SYNPR: variants seen among roughly 807,000 people sequenced by gnomAD.
SYNPR encodes synaptoporin.
A neutral mutation model predicts 32.9 loss-of-function variants in SYNPR; 23 were observed. The observed-to-expected ratio is 0.70, with a 90% CI of 0.50 to 0.99. The LOEUF (loss-of-function observed/expected upper bound fraction) is 0.99. SYNPR is among the 50% of genes least tolerant of loss of function. The pLI, the probability that SYNPR is intolerant of heterozygous loss-of-function variation, is 0.00. For missense variants in SYNPR, 318 were observed against 349.3 expected, an observed-to-expected ratio of 0.91 and a Z score of 0.71; for synonymous variants, 146 against 135.9, an observed-to-expected ratio of 1.07 and a Z score of -0.52.
intron 4 of SYNPR, among the ~76,000 whole-genome samples, chr3:63,602,539 G>A (rs568613803): frequency 1.3e-5 from 2 of 152,208 alleles, no homozygotes; most frequent in South Asian, 4.2e-4. Context: ...GTAAGAAAAG[G>A]GTCCAGTTTT....
intron 2 of SYNPR, among the ~76,000 whole-genome samples, chr3:63,259,612 A>G (rs1048456172): frequency 2.6e-5 from 4 of 152,332 alleles, no homozygotes; most frequent in East Asian, 1.9e-4. Flanking sequence ...CCCACAGCCA[A>G]TGTCATACTG....
intron 3 of SYNPR, among the ~76,000 whole-genome samples, chr3:63,551,920 G>T (rs114749147): frequency 6.9e-6 from 1 of 145,356 alleles, no homozygotes; most frequent in African/African-American, 2.5e-5. Flanking sequence ...TATTTGAGAC[G>T]GAGCTTGGCT....
At chr3:63,317,192 T>A (rs541709779) in intron 2 of SYNPR, among the ~76,000 whole-genome samples, 75 of 152,134 alleles carry the variant, frequency 4.9e-4, no homozygotes, top group African/African-American at 1.8e-3. Context: ...CACTGTTGAA[T>A]AGAATGTGTA....
intron 3 of SYNPR, among the ~76,000 whole-genome samples, chr3:63,531,690 C>A (rs1702115081): frequency 6.6e-6 from 1 of 152,188 alleles, no homozygotes; most frequent in Admixed American, 6.5e-5. Flanking sequence ...GTAATCATCT[C>A]TGCCCTATCA....
chr3:63,515,811 T>C (rs974644372), intron 3 of SYNPR, among the ~76,000 whole-genome samples: 11 of 152,168 alleles, frequency 7.2e-5, no homozygotes, highest in African/African-American at 2.2e-4. Flanking sequence ...GTATATATAC[T>C]ATAGTCATAT....
chr3:63,279,825 C>T (rs2086611692), intron 2 of SYNPR, among the ~76,000 whole-genome samples: 1 of 152,106 alleles, frequency 6.6e-6, no homozygotes, highest in South Asian at 2.1e-4. Context: ...TTACATTTAC[C>T]TTGTTTGTAG....
intron 2 of SYNPR, among the ~76,000 whole-genome samples, chr3:63,314,407 C>T (rs919467007): frequency 6.6e-6 from 1 of 151,692 alleles, no homozygotes; most frequent in African/African-American, 2.4e-5. Context: ...TGATTATGGC[C>T]ATTCTTGCAT....
chr3:63,342,009 T>C (rs894147564), intron 2 of SYNPR, among the ~76,000 whole-genome samples: 1 of 152,242 alleles, frequency 6.6e-6, no homozygotes, highest in Non-Finnish European at 1.5e-5. Flanking sequence ...CGTTTAGATG[T>C]ATGATCCATT....
intron 1 of SYNPR, among the ~76,000 whole-genome samples, chr3:63,237,269 G>T (rs527872217): frequency 1.3e-5 from 2 of 151,632 alleles, no homozygotes; most frequent in South Asian, 4.2e-4. Flanking sequence ...CATTCAAATT[G>T]AGTGAAATTC....
At chr3:63,203,670 A>G in the SYNPR span, among the ~76,000 whole-genome samples, 1 of 152,150 alleles carries the variant, frequency 6.6e-6, no homozygotes, top group Non-Finnish European at 1.5e-5. Context: ...ATCCTCTCAC[A>G]TGCTACCTAG....
the SYNPR span, among the ~76,000 whole-genome samples, chr3:63,211,410 A>T: frequency 7.2e-5 from 11 of 152,228 alleles, no homozygotes; most frequent in African/African-American, 2.7e-4. Flanking sequence ...CTTTAGAATG[A>T]TGCCATGGCA....
At chr3:63,204,330 T>C in the SYNPR span, among the ~76,000 whole-genome samples, 1 of 152,204 alleles carries the variant, frequency 6.6e-6, no homozygotes, top group Non-Finnish European at 1.5e-5. Context: ...CATTCCTTGC[T>C]TGTGGAAGCA....
In SYNPR at chr3:63,481,054, G is replaced by T. The variant is rs76563155; in HGVS notation, c.209+98G>T. 6.6e-4 allele frequency: 973 copies of T among 1,478,622 alleles called. 7 individuals carry two copies. The East Asian group carries it at 0.013, about 19-fold the overall frequency. The allele number at this position is 1,478,622 out of a possible 1,614,324, so 91.6% of individuals were successfully genotyped here. On this transcript the variant is annotated intron_variant, in intron 3 of 5. Transcript: ENST00000478300. ...AAATGCAGTCTTCCAGGGACTTCTG[G>T]GTAAACAGAAAGTATTCTGCCTGCA...
chr3:63,597,999 CA>C (rs1699986210), intron 4 of SYNPR, among the ~76,000 whole-genome samples: 1 of 152,156 alleles, frequency 6.6e-6, no homozygotes, highest in Non-Finnish European at 1.5e-5. Context: ...GCTGAATTAG[CA>C]AAGTGATCCA....
At chr3:63,463,798 T>C (rs538937025) in intron 2 of SYNPR, among the ~76,000 whole-genome samples, 155 of 152,284 alleles carry the variant, frequency 1.0e-3, no homozygotes, top group Non-Finnish European at 1.8e-3. Context: ...ATGACCACCA[T>C]CAAATTTTCT....
intron 4 of SYNPR, among the ~76,000 whole-genome samples, chr3:63,597,912 G>GC (rs1699984885): frequency 6.6e-6 from 1 of 152,060 alleles, no homozygotes; most frequent in African/African-American, 2.4e-5. Flanking sequence ...CCAAAGCTCT[G>GC]CCCCCAGCTG....
At chr3:63,458,210 A>G (rs1700520227) in intron 2 of SYNPR, among the ~76,000 whole-genome samples, 1 of 152,066 alleles carries the variant, frequency 6.6e-6, no homozygotes, top group Non-Finnish European at 1.5e-5. Flanking sequence ...TCTCTGCTTC[A>G]CTATCTTGAC....
chr3:63,231,651 C>T (rs2086167640), intron 1 of SYNPR, among the ~76,000 whole-genome samples: 1 of 152,138 alleles, frequency 6.6e-6, no homozygotes, highest in African/African-American at 2.4e-5. Context: ...AACTTCTAGG[C>T]CCCAGGTCAA....
chr3:63,409,320 A>C (rs1040967449), intron 2 of SYNPR, among the ~76,000 whole-genome samples: 1 of 152,132 alleles, frequency 6.6e-6, no homozygotes, highest in Non-Finnish European at 1.5e-5. Context: ...CTGTAACTAC[A>C]TCAGTTCTCC....
Sources: allele counts gnomAD v4.1 joint callset (sites outside exome capture counted in the v4.1 genomes callset), GRCh38; gene constraint gnomAD v4.1.1; transcripts MANE v1.5; gene names NCBI Gene and HGNC (gene_info 2026-07-23, HGNC 2026-07-21).